Variants in CACNA2D3 observed in about 807,000 individuals in gnomAD.
The protein encoded by CACNA2D3 is calcium voltage-gated channel auxiliary subunit alpha2delta 3.
CACNA2D3 carries 60 observed loss-of-function variants against 160.6 expected under a neutral mutation model. The ratio of observed to expected loss-of-function variants is 0.37; its 90% CI spans 0.30 to 0.46. CACNA2D3 has a LOEUF of 0.46. Ranked by LOEUF, CACNA2D3 falls within the 20% of genes least tolerant of loss-of-function variation. The probability of loss-of-function intolerance (pLI) is 1.00; values close to 1 mark genes in which losing one functional copy is unlikely to be tolerated. For synonymous variants in CACNA2D3, 558 were observed against 492.9 expected (o/e 1.13, Z -1.75); for missense variants, 1,205 against 1,365.0 (o/e 0.88, Z 1.85).
intron 11 of CACNA2D3, among the ~76,000 whole-genome samples, chr3:54,657,247 G>C (rs1403248845): frequency 6.6e-6 from 1 of 152,178 alleles, no homozygotes; most frequent in East Asian, 1.9e-4. Flanking sequence ...GGATGTGTAC[G>C]TGCAGGTCAC....
chr3:54,226,370 G>A (rs1030489707), intron 2 of CACNA2D3, among the ~76,000 whole-genome samples: 4 of 143,456 alleles, frequency 2.8e-5, no homozygotes, highest in Non-Finnish European at 4.5e-5. Context: ...GAATGCAGTG[G>A]CATTATCACA....
intron 2 of CACNA2D3, among the ~76,000 whole-genome samples, chr3:54,144,367 AT>A (rs2107271823): frequency 6.6e-6 from 1 of 152,276 alleles, no homozygotes; most frequent in African/African-American, 2.4e-5. Flanking sequence ...TGTGAATTTG[AT>A]TACTGATTAT....
chr3:54,419,604 C>T (rs543536696), intron 4 of CACNA2D3, among the ~76,000 whole-genome samples: 1 of 152,220 alleles, frequency 6.6e-6, no homozygotes, highest in East Asian at 1.9e-4. Context: ...GCTCTGTGTG[C>T]CAACTTTTTC....
chr3:54,832,125 C>T (rs1703894945), intron 14 of CACNA2D3, among the ~76,000 whole-genome samples: 1 of 152,024 alleles, frequency 6.6e-6, no homozygotes, highest in Non-Finnish European at 1.5e-5. Flanking sequence ...GGGGACACGG[C>T]TGTCAAGCTG....
chr3:54,299,619 A>G (rs1254109735), intron 2 of CACNA2D3, among the ~76,000 whole-genome samples: 1 of 152,200 alleles, frequency 6.6e-6, no homozygotes, highest in Non-Finnish European at 1.5e-5. Context: ...CGGAACACAA[A>G]ATGAATGCAA....
chr3:54,228,717 C>T (rs1180565365), intron 2 of CACNA2D3, among the ~76,000 whole-genome samples: 3 of 152,226 alleles, frequency 2.0e-5, no homozygotes, highest in Non-Finnish European at 4.4e-5. Flanking sequence ...AAGGTGTACA[C>T]TGTGGAAACT....
intron 2 of CACNA2D3, among the ~76,000 whole-genome samples, chr3:54,217,585 A>G (rs1272073640): frequency 6.6e-6 from 1 of 152,210 alleles, no homozygotes; most frequent in Non-Finnish European, 1.5e-5. Context: ...GCAGACACAC[A>G]GAGACGAAAG....
At chr3:54,152,198 G>T (rs1307007242) in intron 2 of CACNA2D3, among the ~76,000 whole-genome samples, 1 of 152,178 alleles carries the variant, frequency 6.6e-6, no homozygotes, top group Non-Finnish European at 1.5e-5. Flanking sequence ...TGTCTCCCAC[G>T]TAGCCTGGCA....
At chr3:54,849,740 G>A (rs531144491) in intron 17 of CACNA2D3, among the ~76,000 whole-genome samples, 25 of 152,164 alleles carry the variant, frequency 1.6e-4, no homozygotes, top group Non-Finnish European at 2.9e-4. Flanking sequence ...AGATTAGCAC[G>A]GTGAGTGTGA....
intron 2 of CACNA2D3, among the ~76,000 whole-genome samples, chr3:54,292,462 A>G (rs981191806): frequency 1.3e-5 from 2 of 152,168 alleles, no homozygotes; most frequent in African/African-American, 4.8e-5. Context: ...TATACCAAAA[A>G]CCCTTACAGC....
chr3:54,955,163 C>T (rs1180083739), intron 27 of CACNA2D3, among the ~76,000 whole-genome samples: 2 of 152,162 alleles, frequency 1.3e-5, no homozygotes, highest in Non-Finnish European at 2.9e-5. Flanking sequence ...GGTACAGAAG[C>T]TTACATACTG....
At chr3:54,673,958 C>CAGCCTGCCTAAGA (rs1700199472) in intron 11 of CACNA2D3, among the ~76,000 whole-genome samples, 5 of 152,162 alleles carry the variant, frequency 3.3e-5, no homozygotes, top group African/African-American at 1.2e-4. Flanking sequence ...CTTAAACCGC[C>CAGCCTGCCTAAGA]GGCAGCTGTG....
intron 2 of CACNA2D3, among the ~76,000 whole-genome samples, chr3:54,127,536 C>G (rs1699618613): frequency 6.6e-6 from 1 of 152,112 alleles, no homozygotes; most frequent in Non-Finnish European, 1.5e-5. Context: ...CGTGGGAAGC[C>G]CAGCACTCTT....
rs114828531 is a variant in CACNA2D3, at chr3:54,496,587, C to A, written c.382-6905C>A. On this transcript the variant is annotated intron_variant, in intron 4 of 37. Transcript: ENST00000474759. The stretch of plus-strand genomic sequence containing the variant: ...GTATTACGAATACTTTTTCCTGAAC[C>A]GTGGCTTTCATTTTTGTTTTATTAC... Among the ~76,000 whole-genome samples, 550 of 152,198 alleles carry A rather than the reference C, an allele frequency of 3.6e-3. 7 individuals carry two copies. The highest frequency in any genetic ancestry group is 0.012 in the African/African-American group (518 of 41,540).
chr3:54,241,371 G>C (rs1006712832), intron 2 of CACNA2D3, among the ~76,000 whole-genome samples: 1 of 152,122 alleles, frequency 6.6e-6, no homozygotes, highest in African/African-American at 2.4e-5. Flanking sequence ...AGTATCACGA[G>C]TACCTCTATT....
chr3:54,704,688 T>C (rs1226045890), intron 11 of CACNA2D3, among the ~76,000 whole-genome samples: 3 of 152,168 alleles, frequency 2.0e-5, no homozygotes, highest in African/African-American at 4.8e-5. Context: ...GAGACACAAA[T>C]ATTAATATAC....
chr3:54,979,237 G>A (rs1383643943), intron 29 of CACNA2D3, among the ~76,000 whole-genome samples: 2 of 152,176 alleles, frequency 1.3e-5, no homozygotes, highest in African/African-American at 4.8e-5. Context: ...TACAGGGACT[G>A]TGTAGACAAG....
At chr3:54,930,329 T>C (rs1393279628) in intron 27 of CACNA2D3, among the ~76,000 whole-genome samples, 1 of 152,196 alleles carries the variant, frequency 6.6e-6, no homozygotes, top group East Asian at 1.9e-4. Context: ...AGATGATCTT[T>C]AAGGCCTTCT....
intron 29 of CACNA2D3, among the ~76,000 whole-genome samples, chr3:54,974,323 A>C (rs1441949104): frequency 6.6e-6 from 1 of 152,208 alleles, no homozygotes; most frequent in Non-Finnish European, 1.5e-5. Context: ...TAATCTCAGC[A>C]ACATTATGAA....
Sources: allele counts gnomAD v4.1 joint callset (sites outside exome capture counted in the v4.1 genomes callset), GRCh38; gene constraint gnomAD v4.1.1; transcripts MANE v1.5; gene names NCBI Gene and HGNC (gene_info 2026-07-23, HGNC 2026-07-21).